The following SNX24 variants were observed in gnomAD, a reference collection of about 807,000 sequenced individuals.
The protein encoded by SNX24 is sorting nexin 24, also known as sorting nexin-24.
A neutral mutation model predicts 28.7 loss-of-function variants in SNX24; 22 were observed. The observed-to-expected ratio is 0.77, with a 90% CI of 0.55 to 1.10. SNX24 has a LOEUF of 1.10. Ranked by LOEUF, SNX24 falls within the 50% of genes least tolerant of loss-of-function variation. The pLI is 0.00. For missense variants in SNX24, 221 were observed against 201.1 expected, an observed-to-expected ratio of 1.10 and a Z score of -0.60; for synonymous variants, 69 against 71.5, an observed-to-expected ratio of 0.96 and a Z score of 0.18.
At chr5:122,945,881 A>C (rs1001593927) in intron 2 of SNX24, among the ~76,000 whole-genome samples, 174 bp from the exon 3 acceptor site, 1 of 152,188 alleles carries the variant, frequency 6.6e-6, no homozygotes, top group Non-Finnish European at 1.5e-5. Flanking sequence ...AAGATACCTA[A>C]ATAAAGAATT....
At chr5:122,976,935 A>G (rs932255398) in intron 3 of SNX24, among the ~76,000 whole-genome samples, 17 of 151,966 alleles carry the variant, frequency 1.1e-4, no homozygotes, top group African/African-American at 4.8e-5. Flanking sequence ...TTCTAATGGT[A>G]TGTCTTTCAC....
chr5:122,898,212 T>C (rs796575130), intron 1 of SNX24, among the ~76,000 whole-genome samples: 9 of 152,350 alleles, frequency 5.9e-5, no homozygotes, highest in African/African-American at 2.2e-4. Flanking sequence ...TGTGGAACTT[T>C]AGGACATAGA....
At chr5:122,977,263 C>T in intron 3 of SNX24, among the ~76,000 whole-genome samples, 1 of 152,102 alleles carries the variant, frequency 6.6e-6, no homozygotes, top group East Asian at 1.9e-4. Context: ...TTCATCGGAA[C>T]AGGGGACCCA....
chr5:122,900,871 C>A (rs530252678), intron 1 of SNX24, among the ~76,000 whole-genome samples: 1 of 152,096 alleles, frequency 6.6e-6, no homozygotes, highest in Non-Finnish European at 1.5e-5. Context: ...AAGTAATGTT[C>A]CTTTTTCAGA....
At chr5:122,879,615 C>T (rs1269148874) in intron 1 of SNX24, among the ~76,000 whole-genome samples, 1 of 152,184 alleles carries the variant, frequency 6.6e-6, no homozygotes, top group East Asian at 1.9e-4. Flanking sequence ...CTTAACCTCT[C>T]TGTGCCTCAG....
At chr5:122,980,024 A>T (rs1260062219) in intron 3 of SNX24, among the ~76,000 whole-genome samples, 2 of 152,226 alleles carry the variant, frequency 1.3e-5, no homozygotes, top group South Asian at 4.1e-4. Context: ...TAACCTACCG[A>T]TTGTGGGTTT....
At chr5:123,025,013 A>G (rs1453289113) in intron 5 of SNX24, among the ~76,000 whole-genome samples, 1 of 152,216 alleles carries the variant, frequency 6.6e-6, no homozygotes, top group East Asian at 1.9e-4. Flanking sequence ...TTGAGACCCA[A>G]CAGTATAGAT....
At chr5:123,026,969 C>A (rs1762868677) in intron 5 of SNX24, among the ~76,000 whole-genome samples, 1 of 152,080 alleles carries the variant, frequency 6.6e-6, no homozygotes, top group African/African-American at 2.4e-5. Flanking sequence ...CTGAGGCGGG[C>A]AGATCGCAAG....
rs1581784777 is a variant in SNX24 at position 122,947,726 on chromosome 5, A to G, written c.249+1567A>G. Among the ~76,000 whole-genome samples, 4 of 152,214 alleles carry G rather than the reference A, an allele frequency of 2.6e-5. No homozygotes were observed. In the East Asian group the frequency reaches 7.7e-4, roughly 29 times the overall value. The stretch of plus-strand genomic sequence containing the variant: ...AAATTAGACTTCAGAAATTGTATGC[A>G]AAGAGTAAAAATGCATGTTCTCTAT... On this transcript the variant is annotated intron_variant, in intron 3 of 6. Transcript: ENST00000261369.
chr5:122,980,464 T>A, intron 3 of SNX24, among the ~76,000 whole-genome samples: 1 of 152,152 alleles, frequency 6.6e-6, no homozygotes, highest in Admixed American at 6.5e-5. Context: ...CAATATCCAC[T>A]CCTACTCTGG....
chr5:123,023,390 A>G (rs45561935), intron 5 of SNX24: 2,451 of 152,386 alleles, frequency 0.016, 58 homozygotes, highest in African/African-American at 0.042. Flanking sequence ...GAGTTGATCT[A>G]AAAGTATTTA....
Position 122,856,525 on chromosome 5 carries a change from C to CTT in SNX24, c.60+10849_60+10850dup, listed in dbSNP as rs1184957460. The stretch of plus-strand genomic sequence containing the variant: ...GCTGGGTCAAATGGTAGTTCTGTGT[C>CTT]TTTTTTTTTTTTTTTTTTGAGGCAG... On this transcript the variant is annotated intron_variant, in intron 1 of 6. Coordinates refer to ENST00000261369, the MANE Select transcript of SNX24 (RefSeq NM_014035.4). Among the ~76,000 whole-genome samples the CTT allele has an allele frequency of 2.0e-3, 265 of 131,546 alleles. 2 individuals are homozygous for CTT. The highest frequency in any genetic ancestry group is 5.3e-3 in the African/African-American group (189 of 35,532). The allele number at this position is 131,546 out of a possible 152,430, so 86.3% of individuals were successfully genotyped here.
intron 3 of SNX24, among the ~76,000 whole-genome samples, chr5:122,977,255 C>T (rs897703751): frequency 6.6e-6 from 1 of 152,004 alleles, no homozygotes; most frequent in Non-Finnish European, 1.5e-5. Context: ...AATGCTTTTT[C>T]ATCGGAACAG....
chr5:122,867,056 C>T (rs1466310874), intron 1 of SNX24, among the ~76,000 whole-genome samples: 1 of 152,128 alleles, frequency 6.6e-6, no homozygotes, highest in African/African-American at 2.4e-5. Flanking sequence ...GGAGAAACAG[C>T]ACTATATATT....
Position 123,001,021 on chromosome 5 carries a change from C to A in SNX24, c.345-384C>A, listed in dbSNP as rs866687955. Among the ~76,000 whole-genome samples, 151 of 152,336 alleles carry A rather than the reference C, an allele frequency of 9.9e-4. 2 individuals are homozygous for A. The highest frequency in any genetic ancestry group is 3.6e-3 in the African/African-American group (148 of 41,584). ...TGCATAACAAAAATTATACACTTGG[C>A]AAATACTGTGTTGTCAGTGTGTTCT... is the stretch of plus-strand genomic sequence containing the variant. On this transcript the variant is annotated intron_variant, in intron 4 of 6. Transcript: ENST00000261369.
At chr5:123,009,932 C>G (rs1581863314), downstream of SNX24, among the ~76,000 whole-genome samples, 1 of 152,332 alleles carries the variant, frequency 6.6e-6, no homozygotes, top group East Asian at 1.9e-4. Context: ...AGCATGAGAG[C>G]TGCAATCCAG....
chr5:122,965,568 A>G (rs1581806821), intron 3 of SNX24: 1 of 406,224 alleles, frequency 2.5e-6, no homozygotes, highest in Admixed American at 2.6e-5. Flanking sequence ...CCACTTACCT[A>G]TACAAGAGAC....
chr5:122,931,953 T>C (rs1758977395), intron 1 of SNX24, among the ~76,000 whole-genome samples: 1 of 152,150 alleles, frequency 6.6e-6, no homozygotes, highest in Admixed American at 6.5e-5. Context: ...AAGTTTATTT[T>C]ATTTATTAGA....
chr5:122,960,568 A>G lies in SNX24; in HGVS notation c.249+14409A>G, dbSNP rs575172913. ...TTTCACCTTTTTCTCCTTTCTTTAAATAGTGCTAGCAGTTAATATTCTTTT... is the reference window on the plus strand; with the variant it reads ...TTTCACCTTTTTCTCCTTTCTTTAAGTAGTGCTAGCAGTTAATATTCTTTT... On this transcript the variant is annotated intron_variant, in intron 3 of 6. Coordinates refer to ENST00000261369, the MANE Select transcript of SNX24 (RefSeq NM_014035.4). Among the ~76,000 whole-genome samples the G allele has an allele frequency of 2.9e-3, 435 of 152,296 alleles. 3 individuals carry two copies. Among genetic ancestry groups the G allele is most frequent in the African/African-American group, 9.8e-3 (407 of 41,568 alleles).
Sources: gnomAD v4.1 joint callset for allele counts (sites outside exome capture counted in the v4.1 genomes callset) on GRCh38, gnomAD v4.1.1 for gene constraint, MANE v1.5 for transcripts, NCBI Gene and HGNC (gene_info 2026-07-23, HGNC 2026-07-21) for gene names.